JAZF1: variants seen among roughly 807,000 people sequenced by gnomAD.
JAZF1 encodes the protein juxtaposed with another zinc finger protein 1.
A neutral mutation model predicts 26.4 loss-of-function variants in JAZF1; 8 were observed. That is an observed-to-expected ratio of 0.30 (90% CI 0.18 to 0.55). JAZF1 has a LOEUF of 0.55. Among genes scored for constraint, JAZF1 ranks in the 20% least tolerant of loss-of-function variants. The pLI is 0.94. For synonymous variants in JAZF1, 126 were observed against 122.3 expected (o/e 1.03, Z -0.20); for missense variants, 199 against 322.0 (o/e 0.62, Z 2.92).
intron 2 of JAZF1, among the ~76,000 whole-genome samples, chr7:27,970,297 A>G (rs1277811775): frequency 6.6e-6 from 1 of 152,232 alleles, no homozygotes; most frequent in Non-Finnish European, 1.5e-5. Flanking sequence ...TTGGAATCAC[A>G]TAAATTTCGG....
At chr7:28,119,979 T>C (rs1784812756) in intron 1 of JAZF1, among the ~76,000 whole-genome samples, 3 of 152,182 alleles carry the variant, frequency 2.0e-5, no homozygotes, top group African/African-American at 7.2e-5. Flanking sequence ...ATGTGTTAGA[T>C]CCAGCAGTCA....
chr7:27,896,152 A>G (rs1333862741), intron 2 of JAZF1, among the ~76,000 whole-genome samples: 1 of 152,250 alleles, frequency 6.6e-6, no homozygotes, highest in African/African-American at 2.4e-5. Flanking sequence ...TATTACTCAT[A>G]AAGAGAAAGG....
chr7:28,020,579 C>G (rs1169511745), intron 1 of JAZF1: 1 of 471,192 alleles, frequency 2.1e-6, no homozygotes, highest in Admixed American at 2.3e-5. Flanking sequence ...CATGGACATG[C>G]ATATTCGTAC....
chr7:28,122,328 A>G (rs901721061), intron 1 of JAZF1, among the ~76,000 whole-genome samples: 2 of 152,000 alleles, frequency 1.3e-5, no homozygotes, highest in African/African-American at 4.8e-5. Context: ...CTTCCACCCA[A>G]TCCAGGCTCC....
chr7:27,837,161 TAAAAC>T lies in JAZF1; in HGVS notation c.555+3532_555+3536del, dbSNP rs543378005. ...GGGTATTGTTCTGTGTAACATTTCT[TAAAAC>T]AAAACAAAACAAAAAAACTTTAAAA... On this transcript the variant is annotated intron_variant, in intron 4 of 4. Transcript: ENST00000283928. Among the ~76,000 whole-genome samples, 178 of 152,162 alleles carry T rather than the reference TAAAAC, an allele frequency of 1.2e-3. 8 individuals are homozygous for T. Among genetic ancestry groups the T allele is most frequent in the East Asian group, 1.9e-3 (10 of 5,178 alleles).
intron 1 of JAZF1, among the ~76,000 whole-genome samples, chr7:28,031,660 G>A (rs975679438): frequency 2.5e-4 from 38 of 152,020 alleles, no homozygotes; most frequent in Non-Finnish European, 4.4e-5. Context: ...AACACCAAAT[G>A]TTCTCACTTA....
At chr7:28,015,484 T>C (rs1025986932) in intron 1 of JAZF1, among the ~76,000 whole-genome samples, 1 of 152,198 alleles carries the variant, frequency 6.6e-6, no homozygotes, top group Non-Finnish European at 1.5e-5. Context: ...TCTTTGTGAT[T>C]TTTTCTAAAA....
At chr7:28,047,382 A>G (rs73683954) in intron 1 of JAZF1, among the ~76,000 whole-genome samples, 17,870 of 152,124 alleles carry the variant, frequency 0.12, 1,858 homozygotes, top group East Asian at 0.37. Flanking sequence ...AATTCTATTA[A>G]AATTTCATTG....
At chr7:28,108,561 T>C (rs914828417) in intron 1 of JAZF1, among the ~76,000 whole-genome samples, 25 of 152,166 alleles carry the variant, frequency 1.6e-4, no homozygotes, top group Admixed American at 6.5e-4. Flanking sequence ...GGAGGGCCTG[T>C]CCTCTGTGGA....
chr7:27,953,226 T>G (rs1359938821), intron 2 of JAZF1, among the ~76,000 whole-genome samples: 1 of 152,258 alleles, frequency 6.6e-6, no homozygotes, highest in African/African-American at 2.4e-5. Context: ...TTTTTTAAGC[T>G]GTTCTAATCT....
In JAZF1 at chr7:28,134,020, G is replaced by C. The variant is rs550483439; in HGVS notation, c.115+46443C>G. On this transcript the variant is annotated intron_variant, in intron 1 of 4. Coordinates refer to ENST00000283928, the MANE Select transcript of JAZF1 (RefSeq NM_175061.4). ...TCTTGTTTATTTATTTATTCACTTA[G>C]CATCTGTCTTCCATACTACAACCCA... Among the ~76,000 whole-genome samples the C allele has an allele frequency of 2.0e-5, 3 of 152,166 alleles. No individual in the cohort carries two copies. In the South Asian group the frequency reaches 6.2e-4, roughly 32 times the overall value.
chr7:28,083,050 C>T (rs1469715816), intron 1 of JAZF1, among the ~76,000 whole-genome samples: 1 of 152,208 alleles, frequency 6.6e-6, no homozygotes, highest in African/African-American at 2.4e-5. Flanking sequence ...TTCTGCTGTA[C>T]TCGTGGATTA....
chr7:27,993,067 C>T (rs1785935991), intron 1 of JAZF1, among the ~76,000 whole-genome samples: 2 of 152,210 alleles, frequency 1.3e-5, no homozygotes, highest in Non-Finnish European at 2.9e-5. Context: ...ATTTACAATG[C>T]TTTTAACTCC....
intron 1 of JAZF1, among the ~76,000 whole-genome samples, chr7:28,150,506 G>T (rs1325840693): frequency 6.6e-6 from 1 of 152,238 alleles, no homozygotes; most frequent in African/African-American, 2.4e-5. Context: ...AAATGCCGCC[G>T]TATCTAACTT....
intron 2 of JAZF1, among the ~76,000 whole-genome samples, chr7:27,896,022 G>C (rs184610353): frequency 6.6e-6 from 1 of 152,254 alleles, no homozygotes; most frequent in Admixed American, 6.5e-5. Context: ...CACAGGGCCA[G>C]GCCCACCTCA....
rs190435449 is a variant in JAZF1 at position 27,857,242 on chromosome 7, G to T, written c.386-16375C>A. Among the ~76,000 whole-genome samples the T allele has an allele frequency of 5.9e-5, 9 of 152,350 alleles. No individual in the cohort carries two copies. The East Asian group carries it at 1.7e-3, about 29-fold the overall frequency. The stretch of plus-strand genomic sequence containing the variant: ...GCCCGGTGAGAAGTCAAGCACAGCA[G>T]CTGCTGGCCCAGGTGCCAAGCCCCT... On this transcript the variant is annotated intron_variant, in intron 3 of 4. Transcript: ENST00000283928.
chr7:28,090,949 C>T (rs1221548662), intron 1 of JAZF1, among the ~76,000 whole-genome samples: 2 of 150,866 alleles, frequency 1.3e-5, no homozygotes, highest in East Asian at 1.9e-4. Flanking sequence ...GCCTCAGCCT[C>T]CCGAGTAGCT....
chr7:27,858,944 C>T (rs183185408), intron 3 of JAZF1, among the ~76,000 whole-genome samples: 1,860 of 152,208 alleles, frequency 0.012, 11 homozygotes, highest in Admixed American at 0.02. Context: ...GAACAGGAAA[C>T]CTACAGAATG....
At chr7:27,946,357 G>A (rs1006449189) in intron 2 of JAZF1, among the ~76,000 whole-genome samples, 5 of 152,200 alleles carry the variant, frequency 3.3e-5, no homozygotes, top group Admixed American at 6.5e-5. Flanking sequence ...TTAACCTAAA[G>A]AAGATCTATC....
Sources: gnomAD v4.1 joint callset for allele counts (sites outside exome capture counted in the v4.1 genomes callset) on GRCh38, gnomAD v4.1.1 for gene constraint, MANE v1.5 for transcripts, NCBI Gene and HGNC (gene_info 2026-07-23, HGNC 2026-07-21) for gene names.